SPEG: variants seen among roughly 807,000 people sequenced by gnomAD.
The protein encoded by SPEG is striated muscle enriched protein kinase, also known as striated muscle preferentially expressed protein kinase.
Under a neutral mutation model 300.4 loss-of-function variants are expected in SPEG, and 114 were observed. That is an observed-to-expected ratio of 0.38 (90% CI 0.33 to 0.44). SPEG has a LOEUF of 0.44. Ranked by LOEUF, SPEG falls within the 20% of genes least tolerant of loss-of-function variation. The probability of loss-of-function intolerance (pLI) is 1.00; values close to 1 mark genes in which losing one functional copy is unlikely to be tolerated. For missense variants in SPEG, 4,201 were observed against 4,586.2 expected, an observed-to-expected ratio of 0.92 and a Z score of 2.43; for synonymous variants, 1,964 against 2,018.9, an observed-to-expected ratio of 0.97 and a Z score of 0.73.
At chr2:219,486,283 G>A (rs1428877440) in intron 31 of SPEG, among the ~76,000 whole-genome samples, 5 of 152,238 alleles carry the variant, frequency 3.3e-5, no homozygotes, top group African/African-American at 1.2e-4. Flanking sequence ...GGCTTCGGGA[G>A]GTTGGGTTTT....
intron 9 of SPEG, chr2:219,466,008 T>C: frequency 6.5e-7 from 1 of 1,548,454 alleles, no homozygotes; most frequent in Non-Finnish European, 8.8e-7. Flanking sequence ...CGTGCGCGTA[T>C]GCTGCACTAA....
In SPEG at chr2:219,448,968, A is replaced by G. The variant is rs774144930; in HGVS notation, c.1810A>G (p.Ile604Val). Residue 604 changes from isoleucine to valine, a missense_variant, in exon 4 of 41, where the codon ATC becomes GTC. Ile to Val is a conservative substitution (Grantham distance 29, BLOSUM62 3). This residue lies in a region of SPEG where 1,258 missense variants were observed against 1,293.9 expected (regional missense o/e 0.97). Coordinates refer to ENST00000312358, the MANE Select transcript of SPEG (RefSeq NM_005876.5). The part of the protein sequence containing the change: ...DQFPLTRSRA[I>V]QECRSPVPPP... ...ATTCCCGCTGACCCGGAGCAGAGCC[A>G]TCCAGGAGTGCAGGAGCCCTGTGCC... 6.6e-7 allele frequency: 1 copy of G among 1,511,798 alleles called. No individual in the cohort carries two copies. The highest frequency in any genetic ancestry group is 1.3e-5 in the South Asian group (1 of 79,556). The allele number at this position is 1,511,798 out of a possible 1,614,324, so 93.6% of individuals were successfully genotyped here.
In SPEG at chr2:219,448,788, A is replaced by G; in HGVS notation, c.1630A>G (p.Thr544Ala). ...CTTCTCTCGGCCCTCCACCCCCAAG[A>G]CATCGCGGGCCGTGAGCCCCGCCGC... is the stretch of plus-strand genomic sequence containing the variant. ...PLFSRPSTPK[T>A]SRAVSPAAAQ... is the part of the protein sequence containing the mutation. The change falls in exon 4 of 41, where the codon ACA (threonine) becomes GCA (alanine). Residue 544 changes from threonine to alanine, a missense_variant. By Grantham distance (58) the Thr-to-Ala change is moderately conservative (BLOSUM62 0). Around this residue, in one of 4 missense-constraint regions of SPEG, gnomAD observed 1,258 missense variants for 1,293.9 expected, o/e 0.97. Transcript: ENST00000312358. 7.1e-7 allele frequency: 1 copy of G among 1,413,602 alleles called. No homozygotes were observed. The highest frequency in any genetic ancestry group is 9.2e-7 in the Non-Finnish European group (1 of 1,091,330). 87.6% of individuals were successfully genotyped at this position (1,413,602 alleles called of 1,614,324 possible). A position where few individuals can be genotyped will look rare whatever the true frequency, so the allele number is the denominator to read the frequency against.
At position 219,443,027 on chromosome 2, in the gene SPEG, G is replaced by A. The variant is rs1689039783; in HGVS notation, c.389-1626G>A. 1 of 1,146,692 alleles carries A rather than the reference G, an allele frequency of 8.7e-7. No individual in the cohort carries two copies. Among genetic ancestry groups the A allele is most frequent in the Non-Finnish European group, 1.3e-6 (1 of 781,774 alleles). The allele number at this position is 1,146,692 out of a possible 1,614,324, so 71.0% of individuals were successfully genotyped here. ...GCCAGGGAATGAGTTTCTGCTTGATGTTGCAGGTCTGGATGGGAGGCACAG... is the reference window on the plus strand; with the variant it reads ...GCCAGGGAATGAGTTTCTGCTTGATATTGCAGGTCTGGATGGGAGGCACAG... On this transcript the variant is annotated intron_variant, in intron 1 of 40. Coordinates refer to ENST00000312358, the MANE Select transcript of SPEG (RefSeq NM_005876.5). The surrounding 1 kb of genome is among the most constrained non-coding windows in gnomAD (Gnocchi z 4.6).
chr2:219,435,200 C>T lies in SPEG; in HGVS notation c.223C>T (p.Arg75Cys), dbSNP rs1292139349. The part of the protein sequence containing the change: ...VVSGTPQPSL[R>C]WFRDGQLLPA... ...GAGCGGGACGCCCCAGCCCAGCCTC[C>T]GCTGGTTCCGGGATGGGCAGCTCCT... The change falls in exon 1 of 41, where the codon CGC becomes TGC. Residue 75 changes from arginine (R) to cysteine (C), a missense_variant. Physicochemically the swap from Arg to Cys is radical, Grantham distance 180. This residue lies in a region of SPEG where 1,258 missense variants were observed against 1,293.9 expected (regional missense o/e 0.97). Coordinates refer to ENST00000312358, the MANE Select transcript of SPEG (RefSeq NM_005876.5). 1.3e-6 allele frequency: 2 copies of T among 1,482,014 alleles called. No individual in the cohort carries two copies. Among genetic ancestry groups the T allele is most frequent in the Non-Finnish European group, 1.8e-6 (2 of 1,125,674 alleles). The allele number at this position is 1,482,014 out of a possible 1,614,324, so 91.8% of individuals were successfully genotyped here.
intron 9 of SPEG, chr2:219,465,962 T>C (rs1691296471): frequency 5.6e-6 from 6 of 1,068,028 alleles, no homozygotes; most frequent in South Asian, 1.3e-5. Context: ...TGTGTGCGTG[T>C]GCATGCGTGT....
Position 219,493,389 on chromosome 2 carries a change from T to TCA in SPEG, c.*607_*608dup, listed in dbSNP as rs1243603997. ...TGGAGAGCTGGAGGCCAGCAGTCAC[T>TCA]CACACTCGCTCTGTCCTCCTGTCCA... is the stretch of plus-strand genomic sequence containing the variant. On this transcript the variant is annotated 3_prime_UTR_variant, in exon 41 of 41. Coordinates refer to ENST00000312358, the MANE Select transcript of SPEG (RefSeq NM_005876.5). 8.3e-6 allele frequency: 3 copies of TCA among 362,176 alleles called. No homozygotes were observed. Among genetic ancestry groups the TCA allele is most frequent in the African/African-American group, 6.4e-5 (3 of 47,046 alleles). The allele number at this position is 362,176 out of a possible 1,614,324, so 22.4% of individuals were successfully genotyped here.
chr2:219,444,089 C>G lies in SPEG; in HGVS notation c.389-564C>G, dbSNP rs377666120. On this transcript the variant is annotated intron_variant, in intron 1 of 40. Coordinates refer to ENST00000312358, the MANE Select transcript of SPEG (RefSeq NM_005876.5). This position sits in a 1 kb window ranked among gnomAD's most constrained non-coding sequence, Gnocchi z 7.8. ...GAAACTGGCTCCTGCTCTAGCCCCC[C>G]GCATCCCCCCCTTTCCCACCCGGCC... The G allele has an allele frequency of 2.2e-6, 3 of 1,356,372 alleles. No homozygotes were observed. The highest frequency in any genetic ancestry group is 3.9e-5 in the Admixed American group (2 of 51,626). 84.0% of individuals were successfully genotyped at this position (1,356,372 alleles called of 1,614,324 possible).
rs1690406477 is a variant in SPEG, at chr2:219,458,866, A to G, written c.2441-3016A>G. Among the ~76,000 whole-genome samples, 1 of 152,210 alleles carries G rather than the reference A, an allele frequency of 6.6e-6. No individual in the cohort carries two copies. The highest frequency in any genetic ancestry group is 6.5e-5 in the Admixed American group (1 of 15,282). ...AGGTTGAGGAATCTATATTTTAAAT[A>G]AGCCCGAGGTGGTCCTGATGTGAGT... On this transcript the variant is annotated intron_variant, in intron 6 of 40. Transcript: ENST00000312358. This position sits in a 1 kb window ranked among gnomAD's most constrained non-coding sequence, Gnocchi z 4.2.
At chr2:219,455,034 C>T (rs1690064894) in intron 6 of SPEG, among the ~76,000 whole-genome samples, 1 of 152,104 alleles carries the variant, frequency 6.6e-6, no homozygotes. Context: ...GCCGAGGTTG[C>T]AGTAAGCCGA....
chr2:219,484,565 G>A lies in SPEG; in HGVS notation c.7102G>A (p.Glu2368Lys). The A allele has an allele frequency of 1.9e-6, 3 of 1,586,676 alleles. No individual in the cohort carries two copies. Among genetic ancestry groups the A allele is most frequent in the Non-Finnish European group, 1.7e-6 (2 of 1,170,822 alleles). The change falls in exon 30 of 41, where the codon GAG (glutamate) becomes AAG (lysine). Residue 2368 changes from glutamate to lysine, a missense_variant. Physicochemically the swap from Glu to Lys is moderately conservative, Grantham distance 56 (BLOSUM62 1). Coordinates refer to ENST00000312358, the MANE Select transcript of SPEG (RefSeq NM_005876.5). Reference sequence around the variant, plus strand: ...GCGCGGCCCCTTCCGTGGGGCCGAGGAGGAGGATGGCATATACCGGCCCAG... The same window carrying A: ...GCGCGGCCCCTTCCGTGGGGCCGAGAAGGAGGATGGCATATACCGGCCCAG... ...EERGPFRGAE[E>K]EDGIYRPSPA...
At position 219,473,038 on chromosome 2, in the gene SPEG, T is replaced by C. The variant is rs1473696081; in HGVS notation, c.4089T>C (p.Thr1363=). ...ACATCTTCCGGGTCCTCAGCACCAC[T>C]GTCAAGAGCAGCAGCAAGCCCTCAC... ...VQHIFRVLST[T]VKSSSKPSPP... is the part of the protein sequence containing the mutation. Residue 1363 remains threonine, a synonymous_variant, in exon 16 of 41, where the codon ACT becomes ACC. Coordinates refer to ENST00000312358, the MANE Select transcript of SPEG (RefSeq NM_005876.5). This position sits in a 1 kb window ranked among gnomAD's most constrained non-coding sequence, Gnocchi z 4.6. 1 of 1,613,916 alleles carries C rather than the reference T, an allele frequency of 6.2e-7. No individual in the cohort carries two copies. The highest frequency in any genetic ancestry group is 8.5e-7 in the Non-Finnish European group (1 of 1,179,996).
chr2:219,465,687 C>T lies in SPEG; in HGVS notation c.2881+1079C>T, dbSNP rs550258921. The T allele has an allele frequency of 7.5e-4, 249 of 333,806 alleles. 2 individuals carry two copies. The highest frequency in any genetic ancestry group is 7.4e-4 in the Non-Finnish European group (135 of 181,356). 20.7% of individuals were successfully genotyped at this position (333,806 alleles called of 1,614,324 possible). A position where few individuals can be genotyped will look rare whatever the true frequency, so the allele number is the denominator to read the frequency against. On this transcript the variant is annotated intron_variant, in intron 9 of 40. Coordinates refer to ENST00000312358, the MANE Select transcript of SPEG (RefSeq NM_005876.5). ...GAGGAACCAGTCTCTGGCTAGCTGC[C>T]GGCCCTCGCAGCCCAGAGCTGTCCT...
rs764232104 is a variant in SPEG at position 219,483,156 on chromosome 2, G to A, written c.5693G>A (p.Arg1898Gln). The A allele has an allele frequency of 1.2e-5, 20 of 1,609,496 alleles. No individual in the cohort carries two copies. The highest frequency in any genetic ancestry group is 1.7e-4 in the Middle Eastern group (1 of 6,054). ...CTGCGCCCCATCCCCGAGCTGCTGCGGGCCCCCCCAGAGCGGGTGTGGGTG... is the reference window on the plus strand; with the variant it reads ...CTGCGCCCCATCCCCGAGCTGCTGCAGGCCCCCCCAGAGCGGGTGTGGGTG... ...LVLRPIPELL[R>Q]APPERVWVTM... The change falls in exon 30 of 41, where the codon CGG becomes CAG. Residue 1898 changes from arginine (R) to glutamine (Q), a missense_variant. Transcript: ENST00000312358.
chr2:219,444,054 G>A lies in SPEG; in HGVS notation c.389-599G>A. 7.3e-7 allele frequency: 1 copy of A among 1,365,666 alleles called. No homozygotes were observed. Among genetic ancestry groups the A allele is most frequent in the Non-Finnish European group, 9.8e-7 (1 of 1,021,564 alleles). 84.6% of individuals were successfully genotyped at this position (1,365,666 alleles called of 1,614,324 possible). On this transcript the variant is annotated intron_variant, in intron 1 of 40. Coordinates refer to ENST00000312358, the MANE Select transcript of SPEG (RefSeq NM_005876.5). This position sits in a 1 kb window ranked among gnomAD's most constrained non-coding sequence, Gnocchi z 7.8. ...GTTTTCCGCTCCTGCAGAAAGCAAA[G>A]TTACGGTAGGAAACTGGCTCCTGCT... is the stretch of plus-strand genomic sequence containing the variant.
intron 13 of SPEG, among the ~76,000 whole-genome samples, chr2:219,470,029 T>C (rs935305364): frequency 2.6e-5 from 4 of 152,122 alleles, no homozygotes; most frequent in African/African-American, 9.7e-5. Flanking sequence ...ATCTGAGTCT[T>C]GTGTGAGAAG....
intron 6 of SPEG, chr2:219,460,424 G>A (rs1484425372): frequency 7.1e-6 from 7 of 985,308 alleles, no homozygotes; most frequent in Middle Eastern, 5.2e-4. Context: ...CATTTCCCAC[G>A]GGCACCTTCT....
At position 219,492,204 on chromosome 2, in the gene SPEG, C is replaced by G; in HGVS notation, c.9555C>G (p.Pro3185=). The G allele has an allele frequency of 6.2e-7, 1 of 1,613,718 alleles. No homozygotes were observed. The highest frequency in any genetic ancestry group is 8.5e-7 in the Non-Finnish European group (1 of 1,179,898). ...GCTTTGATGCCTTCCAGCTGTACCC[C>G]AATACATCCCAGAGCGCCACCCTCT... The part of the protein sequence containing the change: ...GGRFDAFQLY[P]NTSQSATLFL... Residue 3185 remains proline (P), a synonymous_variant, in exon 40 of 41, where the codon CCC becomes CCG. Coordinates refer to ENST00000312358, the MANE Select transcript of SPEG (RefSeq NM_005876.5).
In SPEG at chr2:219,493,571, C is replaced by A; in HGVS notation, c.*785C>A. The A allele has an allele frequency of 2.1e-6, 1 of 466,514 alleles. No homozygotes were observed. 28.9% of individuals were successfully genotyped at this position (466,514 alleles called of 1,614,324 possible). ...ACTGCCCATGTTGTCCTGACCATCC[C>A]TCCCAGCCATCCAGCTGTCTGTCTG... On this transcript the variant is annotated 3_prime_UTR_variant, in exon 41 of 41. Transcript: ENST00000312358.
Sources: gnomAD v4.1 joint callset for allele counts (sites outside exome capture counted in the v4.1 genomes callset) on GRCh38, gnomAD v4.1.1 for gene constraint, gnomAD v4.1.1 regional missense constraint, Gnocchi (gnomAD v3.1) non-coding constraint, MANE v1.5 for transcripts, NCBI Gene and HGNC (gene_info 2026-07-23, HGNC 2026-07-21) for gene names.